RNF169: variants seen among roughly 807,000 people sequenced by gnomAD.
The protein encoded by RNF169 is E3 ubiquitin-protein ligase RNF169.
Under a neutral mutation model 53.9 loss-of-function variants are expected in RNF169, and 24 were observed. That is an observed-to-expected ratio of 0.45 (90% CI 0.32 to 0.63). The LOEUF is 0.63. RNF169 is among the 20% of genes least tolerant of loss of function. The pLI is 0.04. For missense variants in RNF169, 883 were observed against 906.2 expected, an observed-to-expected ratio of 0.97 and a Z score of 0.33; for synonymous variants, 396 against 363.5, an observed-to-expected ratio of 1.09 and a Z score of -1.02.
rs2034833521 is a variant in RNF169, at chr11:74,748,864, T to G, written c.-17T>G. 2 of 1,399,992 alleles carry G rather than the reference T, an allele frequency of 1.4e-6. No homozygotes were observed. Among genetic ancestry groups the G allele is most frequent in the South Asian group, 1.6e-5 (1 of 61,664 alleles). 86.7% of individuals were successfully genotyped at this position (1,399,992 alleles called of 1,614,324 possible). A position where few individuals can be genotyped will look rare whatever the true frequency, so the allele number is the denominator to read the frequency against. The stretch of plus-strand genomic sequence containing the variant: ...CTTCTCCCTCGCAACCGACTCTCCC[T>G]TCAAACGGGAAACAAGATGGCGGCT... On this transcript the variant is annotated 5_prime_UTR_variant, in exon 1 of 6. Coordinates refer to ENST00000299563, the MANE Select transcript of RNF169 (RefSeq NM_001098638.2).
intron 1 of RNF169, among the ~76,000 whole-genome samples, chr11:74,773,457 G>A (rs1435728455): frequency 6.6e-6 from 1 of 152,096 alleles, no homozygotes; most frequent in Non-Finnish European, 1.5e-5. Flanking sequence ...GATGATAATT[G>A]TATAAGCTAA....
intron 1 of RNF169, among the ~76,000 whole-genome samples, chr11:74,752,323 A>C (rs548028676): frequency 1.3e-5 from 2 of 148,992 alleles, no homozygotes; most frequent in South Asian, 4.3e-4. Flanking sequence ...TGGGCTGGGC[A>C]TGGTGGCTCA....
At chr11:74,769,978 T>C (rs2035235702) in intron 1 of RNF169, among the ~76,000 whole-genome samples, 1 of 152,214 alleles carries the variant, frequency 6.6e-6, no homozygotes, top group Admixed American at 6.5e-5. Context: ...TTTAGTACTA[T>C]ACAGGGTCTC....
chr11:74,826,075 C>G (rs143017729), intron 4 of RNF169, among the ~76,000 whole-genome samples: 1 of 152,106 alleles, frequency 6.6e-6, no homozygotes, highest in Non-Finnish European at 1.5e-5. Context: ...TCTGTAATCC[C>G]AGCACATTGG....
intron 1 of RNF169, among the ~76,000 whole-genome samples, chr11:74,755,091 C>T (rs1406357257): frequency 6.6e-6 from 1 of 152,208 alleles, no homozygotes; most frequent in Admixed American, 6.5e-5. Flanking sequence ...ATTCCCTAGT[C>T]TGTAAGGATT....
intron 1 of RNF169, among the ~76,000 whole-genome samples, chr11:74,776,332 A>G (rs2035334569): frequency 6.6e-6 from 1 of 152,036 alleles, no homozygotes; most frequent in African/African-American, 2.4e-5. Context: ...TTATAATGCA[A>G]CCTCAAAAGA....
chr11:74,777,066 A>G (rs144736009), intron 1 of RNF169, among the ~76,000 whole-genome samples: 16 of 152,330 alleles, frequency 1.1e-4, no homozygotes, highest in African/African-American at 3.4e-4. Context: ...TCTAAGAGAC[A>G]GGGAGGCCAG....
intron 1 of RNF169, among the ~76,000 whole-genome samples, chr11:74,777,612 T>A (rs958217369): frequency 6.6e-6 from 1 of 151,976 alleles, no homozygotes; most frequent in East Asian, 1.9e-4. Context: ...TCTACTCTTA[T>A]ACCTGCTTTT....
intron 4 of RNF169, among the ~76,000 whole-genome samples, chr11:74,834,132 T>C (rs995385227): frequency 6.6e-5 from 10 of 152,298 alleles, no homozygotes; most frequent in African/African-American, 2.2e-4. Context: ...ACAAAAATCA[T>C]GTGTTCTTTA....
At chr11:74,785,252 TAG>T (rs200848377) in intron 1 of RNF169, among the ~76,000 whole-genome samples, 1,619 of 79,704 alleles carry the variant, frequency 0.02, 44 homozygotes, top group African/African-American at 0.092. Context: ...TTATATATGT[TAG>T]ATATATATGT....
chr11:74,836,373 GCAA>G lies in RNF169; in HGVS notation c.1774_1776del (p.Gln592del), dbSNP rs2036257480. The G allele has an allele frequency of 6.2e-7, 1 of 1,614,140 alleles. No individual in the cohort carries two copies. Among genetic ancestry groups the G allele is most frequent in the East Asian group, 2.2e-5 (1 of 44,880 alleles). The stretch of plus-strand genomic sequence containing the variant: ...TTTTGGGTGGAGTCCTCAAAACAAA[GCAA>G]CAATTGAAGACATTAAATCATTTTG... On this transcript the variant is annotated inframe_deletion, in exon 6 of 6. Coordinates refer to ENST00000299563, the MANE Select transcript of RNF169 (RefSeq NM_001098638.2).
At chr11:74,826,063 C>A (rs2036091581) in intron 4 of RNF169, among the ~76,000 whole-genome samples, 1 of 152,176 alleles carries the variant, frequency 6.6e-6, no homozygotes, top group African/African-American at 2.4e-5. Context: ...CAATGGCTCA[C>A]ATCTGTAATC....
chr11:74,812,851 C>G (rs2035892189), intron 3 of RNF169, among the ~76,000 whole-genome samples: 1 of 152,234 alleles, frequency 6.6e-6, no homozygotes, highest in East Asian at 1.9e-4. Flanking sequence ...TAAATGAAGA[C>G]TCTTCACCCC....
chr11:74,817,759 G>C (rs993401504), intron 4 of RNF169, 45 bp downstream of exon 4: 4 of 1,278,682 alleles, frequency 3.1e-6, no homozygotes, highest in South Asian at 1.2e-5. Context: ...TTGGTTTTGG[G>C]GTATGAGATA....
intron 1 of RNF169, among the ~76,000 whole-genome samples, chr11:74,768,641 G>C (rs968772490): frequency 2.0e-5 from 3 of 151,260 alleles, no homozygotes; most frequent in African/African-American, 7.3e-5. Flanking sequence ...ATGGATTAAA[G>C]GTCAAACTGT....
At chr11:74,817,256 G>C (rs1240769703) in intron 3 of RNF169, among the ~76,000 whole-genome samples, 3 of 152,174 alleles carry the variant, frequency 2.0e-5, no homozygotes, top group Non-Finnish European at 4.4e-5. Context: ...TAATGGGAGT[G>C]ACATAAACAG....
intron 1 of RNF169, among the ~76,000 whole-genome samples, chr11:74,751,232 A>G (rs1565167126): frequency 6.6e-6 from 1 of 152,132 alleles, no homozygotes; most frequent in Admixed American, 6.5e-5. Flanking sequence ...TTTCCATTTT[A>G]TAGATGAAAC....
intron 1 of RNF169, among the ~76,000 whole-genome samples, chr11:74,769,588 G>A (rs1218768523): frequency 6.6e-6 from 1 of 152,204 alleles, no homozygotes; most frequent in Non-Finnish European, 1.5e-5. Flanking sequence ...TTTGATAGGA[G>A]AAGGGATAAA....
chr11:74,811,110 C>A (rs915545439), intron 3 of RNF169, among the ~76,000 whole-genome samples: 1 of 151,886 alleles, frequency 6.6e-6, no homozygotes, highest in Non-Finnish European at 1.5e-5. Context: ...TCTATAATGA[C>A]AGGCAAGATA....
Sources: allele counts gnomAD v4.1 joint callset (sites outside exome capture counted in the v4.1 genomes callset), GRCh38; gene constraint gnomAD v4.1.1; transcripts MANE v1.5; gene names NCBI Gene and HGNC (gene_info 2026-07-23, HGNC 2026-07-21).